KPRP: variants seen among roughly 807,000 people sequenced by gnomAD.
KPRP encodes the protein keratinocyte proline-rich protein.
For missense variants in KPRP, 820 were observed against 746.4 expected, an observed-to-expected ratio of 1.10 and a Z score of -1.15; for synonymous variants, 282 against 276.9, an observed-to-expected ratio of 1.02 and a Z score of -0.18.
At chr1:152,760,940 G>A (rs755668740) in exon 1 of KPRP, 1 of 1,612,764 alleles carries the variant, frequency 6.2e-7, no homozygotes, top group South Asian at 1.1e-5. Flanking sequence ...CCCCTTCCTC[G>A]CCCAGGGCAG....
chr1:152,758,932 A>C (rs1651021121), upstream of KPRP, among the ~76,000 whole-genome samples: 1 of 152,230 alleles, frequency 6.6e-6, no homozygotes, highest in African/African-American at 2.4e-5. Context: ...TTATTTCAAA[A>C]CATTGTGTCA....
exon 1 of KPRP, chr1:152,761,100 A>G (rs1651114621): frequency 1.2e-6 from 2 of 1,614,068 alleles, no homozygotes. Context: ...GCTGGGGCCC[A>G]AATCCAGTTC....
At chr1:152,760,022 A>T in exon 1 of KPRP, 2 of 1,614,184 alleles carry the variant, frequency 1.2e-6, no homozygotes, top group Non-Finnish European at 1.7e-6. Flanking sequence ...GAAACTTGTT[A>T]TGTAGAATGC....
exon 1 of KPRP, chr1:152,761,660 G>C (rs997182180): frequency 1.6e-5 from 4 of 248,240 alleles, no homozygotes; most frequent in African/African-American, 9.1e-5. Context: ...ACTCTGCCTG[G>C]ACCACTTCTC....
In KPRP at chr1:152,760,522, C is replaced by A. The variant is rs140912923; in HGVS notation, c.934C>A (p.Arg312Ser). Residue 312 changes from arginine (R) to serine (S), a missense_variant, in exon 1 of 1, where the codon CGC (arginine) becomes AGC (serine). Transcript: ENST00000606109. ...CATATATAACAGTCGCTGTCCTCGC[C>A]GCCCCATTTCAAGCTGCTCTCAGAG... 3.1e-6 allele frequency: 5 copies of A among 1,612,168 alleles called. No homozygotes were observed. Among genetic ancestry groups the A allele is most frequent in the Non-Finnish European group, 4.2e-6 (5 of 1,180,040 alleles).
upstream of KPRP, among the ~76,000 whole-genome samples, chr1:152,758,449 C>G (rs1651008060): frequency 6.6e-6 from 1 of 152,084 alleles, no homozygotes; most frequent in African/African-American, 2.4e-5. Flanking sequence ...AGGTTTGAAC[C>G]CTCATCAGGA....
chr1:152,760,895 C>T, exon 1 of KPRP: 1 of 1,614,134 alleles, frequency 6.2e-7, no homozygotes, highest in Non-Finnish European at 8.5e-7. Context: ...TATCCAGAAC[C>T]ACTTCCAGCA....
exon 1 of KPRP, chr1:152,761,643 C>T: frequency 3.4e-6 from 1 of 290,964 alleles, no homozygotes. Flanking sequence ...TCTGCTCACT[C>T]TTCCCCACTC....
chr1:152,761,493 C>G, exon 1 of KPRP: 1 of 1,348,652 alleles, frequency 7.4e-7, no homozygotes, highest in Non-Finnish European at 9.9e-7. Flanking sequence ...AAGATCCACA[C>G]CTGGGTCTCA....
At chr1:152,761,443 A>G (rs1345408400) in exon 1 of KPRP, 5 of 1,457,770 alleles carry the variant, frequency 3.4e-6, no homozygotes, top group South Asian at 1.5e-5. Context: ...GAGACTCCCT[A>G]TTACGAAGGT....
chr1:152,760,645 C>T (rs748914180), exon 1 of KPRP: 2 of 1,610,994 alleles, frequency 1.2e-6, no homozygotes, highest in Admixed American at 1.7e-5. Flanking sequence ...CATCAGACGC[C>T]GCTCCCAGAG....
exon 1 of KPRP, chr1:152,761,402 G>A (rs1019534203): frequency 5.9e-6 from 9 of 1,516,562 alleles, no homozygotes; most frequent in East Asian, 2.3e-5. Context: ...TTTCCAGTAC[G>A]CTCTTGTTTG....
At chr1:152,760,457 G>C (rs777924792) in exon 1 of KPRP, 2 of 1,613,488 alleles carry the variant, frequency 1.2e-6, no homozygotes, top group Admixed American at 1.7e-5. Flanking sequence ...CCCTCTGAAG[G>C]TTTCCCTAAC....
exon 1 of KPRP, chr1:152,760,254 G>C (rs752242138): frequency 6.2e-7 from 1 of 1,614,046 alleles, no homozygotes; most frequent in South Asian, 1.1e-5. Context: ...CTCAGTATCG[G>C]TCCCGGACTT....
At chr1:152,759,098 C>G (rs1412422711), upstream of KPRP, among the ~76,000 whole-genome samples, 1 of 152,206 alleles carries the variant, frequency 6.6e-6, no homozygotes, top group Non-Finnish European at 1.5e-5. Context: ...GTGCTGAGTG[C>G]TTATTCTCAT....
At chr1:152,760,323 A>G (rs1651071172) in exon 1 of KPRP, 1 of 1,614,076 alleles carries the variant, frequency 6.2e-7, no homozygotes, top group Non-Finnish European at 8.5e-7. Context: ...GCTTCACTGA[A>G]CAGCACCGCT....
At chr1:152,761,585 G>A in exon 1 of KPRP, 1 of 470,902 alleles carries the variant, frequency 2.1e-6, no homozygotes, top group Admixed American at 3.9e-5. Flanking sequence ...ACTGGGCACA[G>A]CTTGGGTGTT....
At chr1:152,761,206 G>C in exon 1 of KPRP, 1 of 1,614,214 alleles carries the variant, frequency 6.2e-7, no homozygotes. Context: ...CCAGGGGCAA[G>C]AGAGTGGTGC....
chr1:152,761,291 C>T, exon 1 of KPRP: 1 of 1,614,076 alleles, frequency 6.2e-7, no homozygotes, highest in African/African-American at 1.3e-5. Context: ...AATGCCTTTG[C>T]TGGAGTGAAA....
Sources: allele counts gnomAD v4.1 joint callset (sites outside exome capture counted in the v4.1 genomes callset), GRCh38; gene constraint gnomAD v4.1.1; transcripts MANE v1.5; gene names NCBI Gene and HGNC (gene_info 2026-07-23, HGNC 2026-07-21).